HNRNPF: variants seen among roughly 807,000 people sequenced by gnomAD.
HNRNPF encodes the protein heterogeneous nuclear ribonucleoprotein F, also known as HnRNP F protein.
HNRNPF carries 2 observed loss-of-function variants against 26.0 expected under a neutral mutation model. The ratio of observed to expected loss-of-function variants is 0.08; its 90% CI spans 0.03 to 0.24. HNRNPF has a LOEUF of 0.24. Among genes scored for constraint, HNRNPF ranks in the 10% least tolerant of loss-of-function variants. HNRNPF has a pLI of 1.00. For missense variants in HNRNPF, 299 were observed against 539.2 expected (o/e 0.55, Z 4.41); for synonymous variants, 234 against 211.5 (o/e 1.11, Z -0.92).
chr10:43,400,946 G>A (rs1019842700), intron 1 of HNRNPF, among the ~76,000 whole-genome samples: 6 of 152,144 alleles, frequency 3.9e-5, no homozygotes, highest in African/African-American at 1.4e-4. Context: ...GCCAAACGTG[G>A]TGGCAGGCAC....
At chr10:43,404,987 G>A (rs1295146642) in intron 1 of HNRNPF, among the ~76,000 whole-genome samples, 8 of 152,292 alleles carry the variant, frequency 5.3e-5, no homozygotes, top group Middle Eastern at 3.4e-3. Flanking sequence ...TATAACGGGG[G>A]ATGGAGCCTT....
chr10:43,398,551 C>G (rs1838646593), intron 1 of HNRNPF, among the ~76,000 whole-genome samples: 1 of 151,672 alleles, frequency 6.6e-6, no homozygotes, highest in Non-Finnish European at 1.5e-5. Flanking sequence ...CCATGTTGGT[C>G]AGGCTGGTCT....
intron 1 of HNRNPF, among the ~76,000 whole-genome samples, chr10:43,400,454 G>A (rs912727611): frequency 1.3e-5 from 2 of 152,072 alleles, no homozygotes; most frequent in African/African-American, 2.4e-5. Flanking sequence ...GCATCTTGGG[G>A]GCAAAAATTC....
chr10:43,398,410 C>G (rs1289114935), intron 1 of HNRNPF, among the ~76,000 whole-genome samples: 1 of 147,490 alleles, frequency 6.8e-6, no homozygotes, highest in Admixed American at 6.8e-5. Context: ...GGCACGATCT[C>G]GGCTCACTGC....
At chr10:43,406,892 T>C (rs1460557693) in intron 1 of HNRNPF, among the ~76,000 whole-genome samples, 1 of 152,066 alleles carries the variant, frequency 6.6e-6, no homozygotes, top group African/African-American at 2.4e-5. Flanking sequence ...AATAAAGCAA[T>C]CTCTCTCTTA....
chr10:43,398,009 T>C (rs1383053844), intron 1 of HNRNPF, among the ~76,000 whole-genome samples: 2 of 152,214 alleles, frequency 1.3e-5, no homozygotes, highest in African/African-American at 2.4e-5. Flanking sequence ...CTTTTGTGTA[T>C]GTTTGACTGT....
chr10:43,403,438 T>C (rs1838815173), intron 1 of HNRNPF, among the ~76,000 whole-genome samples: 1 of 152,242 alleles, frequency 6.6e-6, no homozygotes, highest in Non-Finnish European at 1.5e-5. Context: ...GATTTTTTCA[T>C]TTCCAAAAGA....
chr10:43,405,175 G>C (rs956046988), intron 1 of HNRNPF, among the ~76,000 whole-genome samples: 4 of 152,218 alleles, frequency 2.6e-5, no homozygotes, highest in African/African-American at 9.7e-5. Context: ...CAAAATAGTA[G>C]TGGATATATA....
At chr10:43,388,026 T>A (rs368984950) in intron 3 of HNRNPF, 90 bp from the exon 4 acceptor site, 3 of 655,058 alleles carry the variant, frequency 4.6e-6, no homozygotes, top group African/African-American at 3.7e-5. Flanking sequence ...CATTAAGAAA[T>A]ATACCAAATA....
chr10:43,405,804 T>C (rs1038564125), intron 1 of HNRNPF, among the ~76,000 whole-genome samples: 4 of 152,190 alleles, frequency 2.6e-5, no homozygotes, highest in Non-Finnish European at 4.4e-5. Context: ...AAAGACCTTA[T>C]TGGTCTGGGA....
intron 3 of HNRNPF, among the ~76,000 whole-genome samples, chr10:43,392,585 T>C (rs1838297687): frequency 1.3e-5 from 2 of 152,212 alleles, no homozygotes; most frequent in Admixed American, 1.3e-4. Flanking sequence ...CAGATCTCCA[T>C]GGCAAGAAAA....
chr10:43,408,959 G>C (rs1328421109), intron 1 of HNRNPF, 172 bp downstream of exon 1: 1 of 152,406 alleles, frequency 6.6e-6, no homozygotes, highest in Non-Finnish European at 1.5e-5. Context: ...TCGAGCGCAC[G>C]CGGCTTTGCC....
intron 3 of HNRNPF, among the ~76,000 whole-genome samples, chr10:43,391,292 CA>C (rs56118525): frequency 0.41 from 44,057 of 107,318 alleles, 8,405 homozygotes; most frequent in African/African-American, 0.65. Context: ...GACTCTGTCT[CA>C]AAAAAAAAAA....
At chr10:43,407,046 C>T (rs183801072) in intron 1 of HNRNPF, among the ~76,000 whole-genome samples, 3 of 152,224 alleles carry the variant, frequency 2.0e-5, no homozygotes, top group African/African-American at 4.8e-5. Flanking sequence ...AATTCAGAGA[C>T]AACCACGTAT....
chr10:43,404,595 C>A (rs1403540837), intron 1 of HNRNPF, among the ~76,000 whole-genome samples: 1 of 152,054 alleles, frequency 6.6e-6, no homozygotes, highest in Non-Finnish European at 1.5e-5. Context: ...CGGTGGCTCA[C>A]ACCAGTAATC....
intron 1 of HNRNPF, among the ~76,000 whole-genome samples, chr10:43,405,884 C>T (rs1006819124): frequency 6.6e-6 from 1 of 152,048 alleles, no homozygotes; most frequent in African/African-American, 2.4e-5. Flanking sequence ...TGTTGCCCTC[C>T]ACAAGAACCG....
At position 43,404,585 on chromosome 10, in the gene HNRNPF, C is replaced by T. The variant is rs145556986; in HGVS notation, c.-247+4546G>A. On this transcript the variant is annotated intron_variant, in intron 1 of 3. Transcript: ENST00000682386. The stretch of plus-strand genomic sequence containing the variant: ...ATCAAAACTACCTCCAGACTGGGTG[C>T]GGTGGCTCACACCAGTAATCCCAGC... Among the ~76,000 whole-genome samples the T allele has an allele frequency of 2.0e-3, 297 of 151,634 alleles. 1 individual carries two copies. The highest frequency in any genetic ancestry group is 6.7e-3 in the African/African-American group (277 of 41,274).
At chr10:43,402,039 C>G (rs1328502629) in intron 1 of HNRNPF, among the ~76,000 whole-genome samples, 2 of 151,950 alleles carry the variant, frequency 1.3e-5, no homozygotes, top group Admixed American at 6.6e-5. Context: ...CCTCAGGTTT[C>G]AGGGAACAAG....
chr10:43,405,969 G>A (rs1316290133), intron 1 of HNRNPF, among the ~76,000 whole-genome samples: 1 of 152,032 alleles, frequency 6.6e-6, no homozygotes, highest in Non-Finnish European at 1.5e-5. Context: ...GGACCCAGTT[G>A]GGACTGGGTC....
Sources: gnomAD v4.1 joint callset for allele counts (sites outside exome capture counted in the v4.1 genomes callset) on GRCh38, gnomAD v4.1.1 for gene constraint, MANE v1.5 for transcripts, NCBI Gene and HGNC (gene_info 2026-07-23, HGNC 2026-07-21) for gene names.